PDGFC: variants seen among roughly 807,000 people sequenced by gnomAD.
PDGFC encodes platelet-derived growth factor C.
PDGFC carries 12 observed loss-of-function variants against 35.5 expected under a neutral mutation model. The ratio of observed to expected loss-of-function variants is 0.34; its 90% CI spans 0.22 to 0.55. The LOEUF is 0.55. Among genes scored for constraint, PDGFC ranks in the 20% least tolerant of loss-of-function variants. The pLI is 0.91. For missense variants in PDGFC, 322 were observed against 412.4 expected (o/e 0.78, Z 1.90); for synonymous variants, 159 against 148.8 (o/e 1.07, Z -0.50).
chr4:156,903,598 A>G (rs1406462352), intron 1 of PDGFC, among the ~76,000 whole-genome samples: 2 of 152,166 alleles, frequency 1.3e-5, no homozygotes, highest in Non-Finnish European at 2.9e-5. Context: ...CTAAGAATAA[A>G]AGAGATCCAA....
At chr4:156,928,813 A>G (rs948245030) in intron 1 of PDGFC, among the ~76,000 whole-genome samples, 3 of 152,218 alleles carry the variant, frequency 2.0e-5, no homozygotes, top group African/African-American at 7.2e-5. Context: ...CTTACAAGAG[A>G]TTCCACTTTT....
intron 1 of PDGFC, among the ~76,000 whole-genome samples, chr4:156,902,521 C>T (rs1341816432): frequency 6.6e-6 from 1 of 152,102 alleles, no homozygotes; most frequent in Non-Finnish European, 1.5e-5. Flanking sequence ...TATTGCTTTC[C>T]ATGTTTCCAC....
intron 3 of PDGFC, among the ~76,000 whole-genome samples, chr4:156,801,693 T>C (rs1020291930): frequency 6.6e-6 from 1 of 152,186 alleles, no homozygotes; most frequent in South Asian, 2.1e-4. Flanking sequence ...CACATCAATA[T>C]ATGAATTCCA....
chr4:156,900,846 A>G (rs911111862), intron 1 of PDGFC, among the ~76,000 whole-genome samples: 20 of 148,156 alleles, frequency 1.3e-4, no homozygotes, highest in Admixed American at 5.4e-4. Context: ...AAAAGGAATG[A>G]AAGGAAGGAA....
chr4:156,934,164 T>C (rs1731621594), intron 1 of PDGFC, among the ~76,000 whole-genome samples: 1 of 152,176 alleles, frequency 6.6e-6, no homozygotes, highest in Non-Finnish European at 1.5e-5. Flanking sequence ...TTAGGCGATT[T>C]TGTCATTGTG....
chr4:156,872,798 T>C (rs540404075), intron 1 of PDGFC, among the ~76,000 whole-genome samples: 1 of 152,296 alleles, frequency 6.6e-6, no homozygotes, highest in Admixed American at 6.5e-5. Flanking sequence ...AATTAAAAAT[T>C]TATTTGTATC....
At chr4:156,801,852 T>C (rs1190016041) in intron 3 of PDGFC, among the ~76,000 whole-genome samples, 1 of 152,156 alleles carries the variant, frequency 6.6e-6, no homozygotes, top group East Asian at 1.9e-4. Context: ...AGCAAAAAAT[T>C]AAGCTGAAAC....
chr4:156,906,962 G>A (rs879258755), intron 1 of PDGFC, among the ~76,000 whole-genome samples: 6 of 152,164 alleles, frequency 3.9e-5, no homozygotes, highest in Admixed American at 3.9e-4. Flanking sequence ...TAACATGGAT[G>A]CAGCCAAAAC....
intron 5 of PDGFC, among the ~76,000 whole-genome samples, chr4:156,764,247 A>G (rs1485099655): frequency 1.3e-5 from 2 of 152,222 alleles, no homozygotes; most frequent in Non-Finnish European, 2.9e-5. Flanking sequence ...TGACTGTTCT[A>G]TTTAAAGACT....
At chr4:156,882,994 G>C (rs778242372) in intron 1 of PDGFC, among the ~76,000 whole-genome samples, 1 of 151,422 alleles carries the variant, frequency 6.6e-6, no homozygotes, top group Non-Finnish European at 1.5e-5. Context: ...TGAGGCAGGA[G>C]AATGGTGTGA....
intron 1 of PDGFC, among the ~76,000 whole-genome samples, chr4:156,890,933 A>G (rs925845522): frequency 2.0e-5 from 3 of 152,130 alleles, no homozygotes; most frequent in Admixed American, 2.0e-4. Context: ...GTGTGTGTAT[A>G]TACATTCACG....
chr4:156,922,266 C>T (rs545013768), intron 1 of PDGFC, among the ~76,000 whole-genome samples: 1 of 151,546 alleles, frequency 6.6e-6, no homozygotes, highest in South Asian at 2.1e-4. Context: ...AAACATTGTT[C>T]ATGTGTACTG....
chr4:156,934,095 T>TC (rs1469289259), intron 1 of PDGFC, among the ~76,000 whole-genome samples: 1 of 152,232 alleles, frequency 6.6e-6, no homozygotes, highest in East Asian at 1.9e-4. Flanking sequence ...TGTTAATGAA[T>TC]CACCAATATA....
chr4:156,855,643 C>T (rs953078305), intron 1 of PDGFC, among the ~76,000 whole-genome samples: 4 of 152,138 alleles, frequency 2.6e-5, no homozygotes, highest in African/African-American at 9.7e-5. Flanking sequence ...TCCCCATTCT[C>T]ACTCTATAAA....
At chr4:156,925,555 T>G (rs1731388601) in intron 1 of PDGFC, among the ~76,000 whole-genome samples, 2 of 150,976 alleles carry the variant, frequency 1.3e-5, no homozygotes, top group Admixed American at 1.3e-4. Context: ...GGAAAGAAAA[T>G]GAAGAGTTTG....
At chr4:156,881,610 C>T (rs1020757625) in intron 1 of PDGFC, among the ~76,000 whole-genome samples, 8 of 151,964 alleles carry the variant, frequency 5.3e-5, no homozygotes, top group Non-Finnish European at 1.2e-4. Context: ...GGCAGTGGAT[C>T]GCCTGGAGTC....
intron 3 of PDGFC, among the ~76,000 whole-genome samples, chr4:156,788,572 G>A (rs1017659925): frequency 1.6e-4 from 24 of 152,124 alleles, no homozygotes; most frequent in African/African-American, 3.9e-4. Context: ...ATTCAAATCC[G>A]AATTTTAATC....
In PDGFC at chr4:156,938,078, T is replaced by C. The variant is rs542070114; in HGVS notation, c.118+32708A>G. ...AATGAGGTGAAACAGTACTTTTACA[T>C]ACAGATTTCTTACGAAAGGACAAAT... On this transcript the variant is annotated intron_variant, in intron 1 of 5. Coordinates refer to ENST00000502773, the MANE Select transcript of PDGFC (RefSeq NM_016205.3). Among the ~76,000 whole-genome samples the C allele has an allele frequency of 5.9e-5, 9 of 152,282 alleles. No homozygotes were observed. In the East Asian group the frequency reaches 1.2e-3, roughly 20 times the overall value.
chr4:156,946,971 G>A (rs559048901), intron 1 of PDGFC, among the ~76,000 whole-genome samples: 1 of 152,114 alleles, frequency 6.6e-6, no homozygotes, highest in South Asian at 2.1e-4. Flanking sequence ...AATCTCAGTT[G>A]CAGTGTTAAG....
Sources: gnomAD v4.1 joint callset for allele counts (sites outside exome capture counted in the v4.1 genomes callset) on GRCh38, gnomAD v4.1.1 for gene constraint, MANE v1.5 for transcripts, NCBI Gene and HGNC (gene_info 2026-07-23, HGNC 2026-07-21) for gene names.